Variants in FANCL observed in about 807,000 individuals in gnomAD.
FANCL encodes the protein FA complementation group L, also known as E3 ubiquitin-protein ligase FANCL.
In FANCL, 69 loss-of-function variants were observed where a neutral mutation model predicts 59.4. The observed-to-expected ratio is 1.16, with a 90% CI of 0.96 to 1.42. The LOEUF is 1.42. Among genes scored for constraint, FANCL ranks in the 40% most tolerant of loss-of-function variants. FANCL has a pLI of 0.00. For missense variants in FANCL, 519 were observed against 447.2 expected, an observed-to-expected ratio of 1.16 and a Z score of -1.45; for synonymous variants, 180 against 147.1, an observed-to-expected ratio of 1.22 and a Z score of -1.62.
At chr2:58,220,594 T>C (rs1266706786) in intron 5 of FANCL, among the ~76,000 whole-genome samples, 1 of 152,238 alleles carries the variant, frequency 6.6e-6, no homozygotes, top group Non-Finnish European at 1.5e-5. Flanking sequence ...CTCTATTTAG[T>C]TTTTCTTTAG....
intron 1 of FANCL, 55 bp downstream of exon 1, chr2:58,241,163 C>A (rs1220781705): frequency 3.2e-5 from 50 of 1,577,402 alleles, no homozygotes; most frequent in Non-Finnish European, 4.3e-5. Flanking sequence ...GACTTCTCCG[C>A]GCAGCTACGC....
At chr2:58,215,186 A>G (rs1691592682) in intron 5 of FANCL, among the ~76,000 whole-genome samples, 1 of 152,228 alleles carries the variant, frequency 6.6e-6, no homozygotes, top group Admixed American at 6.5e-5. Context: ...CCATGACATC[A>G]ATGCCTCAAA....
At chr2:58,223,775 A>G (rs1692706252) in intron 4 of FANCL, among the ~76,000 whole-genome samples, 1 of 151,980 alleles carries the variant, frequency 6.6e-6, no homozygotes, top group African/African-American at 2.4e-5. Context: ...TTCACTTGTT[A>G]AATATATACT....
chr2:58,172,701 A>G (rs944153516), intron 7 of FANCL, among the ~76,000 whole-genome samples: 5 of 152,210 alleles, frequency 3.3e-5, no homozygotes, highest in African/African-American at 7.2e-5. Flanking sequence ...ACAGACCAGA[A>G]AAACTGGAAA....
chr2:58,221,829 G>T lies in FANCL; in HGVS notation c.374+113C>A, dbSNP rs1692508362. The T allele has an allele frequency of 1.8e-5, 13 of 731,764 alleles. No homozygotes were observed. The East Asian group carries it at 3.3e-4, about 19-fold the overall frequency. 45.3% of individuals were successfully genotyped at this position (731,764 alleles called of 1,614,324 possible). A position where few individuals can be genotyped will look rare whatever the true frequency, so the allele number is the denominator to read the frequency against. On this transcript the variant is annotated intron_variant, in intron 5 of 13. Coordinates refer to ENST00000233741, the MANE Select transcript of FANCL (RefSeq NM_018062.4). ...GCAACAATAAGGATCAAATACTCTA[G>T]TTACAATTAAACACTTTGACTAAAA... is the stretch of plus-strand genomic sequence containing the variant.
chr2:58,177,613 A>G (rs1687475293), intron 7 of FANCL, among the ~76,000 whole-genome samples: 1 of 112,024 alleles, frequency 8.9e-6, no homozygotes, highest in Admixed American at 1.3e-4. Flanking sequence ...GGGGAACATC[A>G]CACTCTGGGG....
chr2:58,201,284 T>A (rs544393543), intron 6 of FANCL, among the ~76,000 whole-genome samples: 3 of 151,742 alleles, frequency 2.0e-5, no homozygotes, highest in Non-Finnish European at 4.4e-5. Flanking sequence ...CATATAGGAA[T>A]ATTAACTGAA....
intron 7 of FANCL, among the ~76,000 whole-genome samples, chr2:58,187,001 G>A (rs1043177582): frequency 1.3e-4 from 20 of 152,284 alleles, no homozygotes; most frequent in African/African-American, 4.8e-4. Flanking sequence ...GTGGAAGACA[G>A]TGTGGCGATT....
chr2:58,189,902 T>C (rs971781379), intron 7 of FANCL, among the ~76,000 whole-genome samples: 5 of 152,086 alleles, frequency 3.3e-5, no homozygotes, highest in Non-Finnish European at 5.9e-5. Context: ...CCTATAATAC[T>C]TGCAGATAAA....
At chr2:58,164,538 T>C (rs1685681527) in intron 8 of FANCL, among the ~76,000 whole-genome samples, 1 of 151,998 alleles carries the variant, frequency 6.6e-6, no homozygotes, top group African/African-American at 2.4e-5. Flanking sequence ...AACTAATTTT[T>C]CCAATCACTT....
In FANCL at chr2:58,218,314, A is replaced by G. The variant is rs1229929268; in HGVS notation, c.374+3628T>C. 2.6e-5 allele frequency among the ~76,000 whole-genome samples: 4 copies of G among 151,946 alleles called. No homozygotes were observed. In the East Asian group the frequency reaches 7.7e-4, roughly 29 times the overall value. On this transcript the variant is annotated intron_variant, in intron 5 of 13. Transcript: ENST00000233741. The stretch of plus-strand genomic sequence containing the variant: ...AATTCTTAATAAGCAGATATTAATG[A>G]TAAAAAAATATACAACAGAGAAAAT...
chr2:58,196,644 G>A lies in FANCL; in HGVS notation c.540+1950C>T, dbSNP rs139625073. On this transcript the variant is annotated intron_variant, in intron 7 of 13. Coordinates refer to ENST00000233741, the MANE Select transcript of FANCL (RefSeq NM_018062.4). ...TTGCCTTCAAAGACTTTCCAGTCTA[G>A]TAGAGAGTCACAAACTGATTTTGTT... 5.9e-3 allele frequency among the ~76,000 whole-genome samples: 891 copies of A among 152,014 alleles called. 12 individuals carry two copies. Among genetic ancestry groups the A allele is most frequent in the African/African-American group, 0.02 (841 of 41,518 alleles).
intron 5 of FANCL, among the ~76,000 whole-genome samples, chr2:58,207,151 A>G (rs1038938081): frequency 1.3e-5 from 2 of 152,174 alleles, no homozygotes; most frequent in African/African-American, 2.4e-5. Flanking sequence ...GGGTTCATTT[A>G]TAACAGAACT....
At chr2:58,201,118 A>G in intron 6 of FANCL, among the ~76,000 whole-genome samples, 1 of 151,038 alleles carries the variant, frequency 6.6e-6, no homozygotes, top group Non-Finnish European at 1.5e-5. Flanking sequence ...AGTATTAACT[A>G]CAGTGTAGAT....
chr2:58,203,116 A>C (rs1367969767), intron 6 of FANCL, among the ~76,000 whole-genome samples: 2 of 151,804 alleles, frequency 1.3e-5, no homozygotes, highest in African/African-American at 4.8e-5. Flanking sequence ...TTTTACAAAT[A>C]ATGAGATTTC....
chr2:58,177,539 C>A (rs1474141532), intron 7 of FANCL, among the ~76,000 whole-genome samples: 1 of 147,836 alleles, frequency 6.8e-6, no homozygotes, highest in Non-Finnish European at 1.5e-5. Flanking sequence ...GAACAAAAAA[C>A]CAAACACCGC....
chr2:58,190,777 T>C lies in FANCL; in HGVS notation c.540+7817A>G, dbSNP rs948237007. Among the ~76,000 whole-genome samples, 5 of 151,996 alleles carry C rather than the reference T, an allele frequency of 3.3e-5. No individual in the cohort carries two copies. The South Asian group carries it at 6.2e-4, about 19-fold the overall frequency. On this transcript the variant is annotated intron_variant, in intron 7 of 13. Transcript: ENST00000233741. Reference sequence around the variant, plus strand: ...TGACATCATTTAATTAATTAATTAATACTGTCTCAGTGTCTCTACTATTTA... The same window carrying C: ...TGACATCATTTAATTAATTAATTAACACTGTCTCAGTGTCTCTACTATTTA...
intron 5 of FANCL, among the ~76,000 whole-genome samples, chr2:58,217,899 C>T (rs1316950743): frequency 6.6e-6 from 1 of 151,944 alleles, no homozygotes; most frequent in Non-Finnish European, 1.5e-5. Context: ...AGATTACATA[C>T]TCTTCTTAAG....
At chr2:58,180,716 A>T (rs1234139105) in intron 7 of FANCL, among the ~76,000 whole-genome samples, 4 of 152,068 alleles carry the variant, frequency 2.6e-5, no homozygotes, top group Non-Finnish European at 4.4e-5. Context: ...TTAAAAAATA[A>T]AATAAAATAC....
Sources: gnomAD v4.1 joint callset for allele counts (sites outside exome capture counted in the v4.1 genomes callset) on GRCh38, gnomAD v4.1.1 for gene constraint, MANE v1.5 for transcripts, NCBI Gene and HGNC (gene_info 2026-07-23, HGNC 2026-07-21) for gene names.